GPR55: variants seen among roughly 807,000 people sequenced by gnomAD.
GPR55 encodes the protein G-protein coupled receptor 55.
GPR55 carries 6 observed loss-of-function variants against 7.9 expected under a neutral mutation model. The observed-to-expected ratio is 0.76, with a 90% CI of 0.41 to 1.49. The LOEUF is 1.49. Among genes scored for constraint, GPR55 ranks in the 40% most tolerant of loss-of-function variants. The probability of loss-of-function intolerance (pLI) is 0.01; values close to 1 mark genes in which losing one functional copy is unlikely to be tolerated. For synonymous variants in GPR55, 183 were observed against 166.8 expected, an observed-to-expected ratio of 1.10 and a Z score of -0.75; for missense variants, 376 against 406.0, an observed-to-expected ratio of 0.93 and a Z score of 0.63.
chr2:230,929,942 A>G (rs1318965989), upstream of GPR55: 1 of 152,266 alleles, frequency 6.6e-6, no homozygotes, highest in Non-Finnish European at 1.5e-5. Flanking sequence ...TGTCTCATCC[A>G]GGTCCTCCTG....
chr2:230,920,311 A>G (rs16827668), intron 1 of GPR55, among the ~76,000 whole-genome samples: 31,654 of 151,972 alleles, frequency 0.21, 3,539 homozygotes, highest in East Asian at 0.31. Flanking sequence ...AAAGTTATGC[A>G]TTGAATTCAC....
At chr2:230,955,243 G>A (rs544841735) in intron 1 of GPR55, among the ~76,000 whole-genome samples, 1 of 152,338 alleles carries the variant, frequency 6.6e-6, no homozygotes, top group African/African-American at 2.4e-5. Flanking sequence ...GTTGTTAGCT[G>A]TCTAATTATT....
At chr2:230,961,022 C>G (rs140559655) in exon 1 of GPR55, 18 of 152,330 alleles carry the variant, frequency 1.2e-4, no homozygotes, top group African/African-American at 4.3e-4. Flanking sequence ...CATTTAAAAC[C>G]ATGCCCAGCC....
chr2:230,921,487 C>A (rs1484980979), intron 1 of GPR55, among the ~76,000 whole-genome samples: 2 of 152,252 alleles, frequency 1.3e-5, no homozygotes, highest in Non-Finnish European at 2.9e-5. Flanking sequence ...GTCCTGACCA[C>A]TTAGCTGCAG....
chr2:230,918,845 G>C (rs1184814035), intron 1 of GPR55, among the ~76,000 whole-genome samples: 1 of 152,080 alleles, frequency 6.6e-6, no homozygotes, highest in Non-Finnish European at 1.5e-5. Context: ...TTAACTAATG[G>C]AACAGGAAAG....
chr2:230,940,204 C>T (rs1691203448), intron 1 of GPR55, among the ~76,000 whole-genome samples: 1 of 152,038 alleles, frequency 6.6e-6, no homozygotes, highest in African/African-American at 2.4e-5. Context: ...ATGGAGAAAG[C>T]GAGGAAGGGG....
At chr2:230,934,093 T>C (rs1295671520) in intron 1 of GPR55, among the ~76,000 whole-genome samples, 1 of 152,174 alleles carries the variant, frequency 6.6e-6, no homozygotes, top group Non-Finnish European at 1.5e-5. Flanking sequence ...TTTCCAGTGC[T>C]AATAGACTGG....
chr2:230,943,379 C>T (rs534205100), intron 1 of GPR55, among the ~76,000 whole-genome samples: 1 of 152,308 alleles, frequency 6.6e-6, no homozygotes, highest in South Asian at 2.1e-4. Flanking sequence ...TAGCCAGCCC[C>T]TCCGTGGAGG....
Position 230,924,542 on chromosome 2 carries a change from C to T in GPR55, c.-135+626G>A, listed in dbSNP as rs1358071832. On this transcript the variant is annotated intron_variant, in intron 1 of 1. Transcript: ENST00000650999. This position sits in a 1 kb window ranked among gnomAD's most constrained non-coding sequence, Gnocchi z 4.5. Reference sequence around the variant, plus strand: ...ATGCAGCTATAATGTAGGATAGCAACCAGGGCTTTCCTCTCCATCATTTAC... The same window carrying T: ...ATGCAGCTATAATGTAGGATAGCAATCAGGGCTTTCCTCTCCATCATTTAC... The T allele has an allele frequency of 6.6e-6, 1 of 152,238 alleles. No homozygotes were observed. The highest frequency in any genetic ancestry group is 1.5e-5 in the Non-Finnish European group (1 of 68,070). The allele number at this position is 152,238 out of a possible 1,614,324, so 9.4% of individuals were successfully genotyped here.
intron 1 of GPR55, among the ~76,000 whole-genome samples, chr2:230,931,972 C>T (rs990357692): frequency 6.6e-6 from 1 of 152,148 alleles, no homozygotes; most frequent in Non-Finnish European, 1.5e-5. Flanking sequence ...GCAGCCCCAC[C>T]CCAGCCCGGT....
At chr2:230,934,797 A>G (rs1054758389) in intron 1 of GPR55, among the ~76,000 whole-genome samples, 4 of 152,114 alleles carry the variant, frequency 2.6e-5, no homozygotes, top group Non-Finnish European at 5.9e-5. Flanking sequence ...CTAAGAGTGA[A>G]GAGCCGTCAC....
At chr2:230,935,684 C>T (rs959576230) in intron 1 of GPR55, among the ~76,000 whole-genome samples, 7 of 152,198 alleles carry the variant, frequency 4.6e-5, no homozygotes, top group Admixed American at 3.9e-4. Flanking sequence ...AGAGGGGTTC[C>T]ATTTTGGACC....
chr2:230,941,784 A>C (rs1452934155), intron 1 of GPR55, among the ~76,000 whole-genome samples: 1 of 152,202 alleles, frequency 6.6e-6, no homozygotes, highest in Admixed American at 6.5e-5. Context: ...TCATGCCTTC[A>C]TCTTCCTCCA....
At position 230,916,970 on chromosome 2, in the gene GPR55, T is replaced by C. The variant is rs547873672; in HGVS notation, c.-134-5874A>G. 1.3e-5 allele frequency among the ~76,000 whole-genome samples: 2 copies of C among 152,304 alleles called. 1 individual carries two copies. Among genetic ancestry groups the C allele is most frequent in the African/African-American group, 4.8e-5 (2 of 41,576 alleles). On this transcript the variant is annotated intron_variant, in intron 1 of 1. Coordinates refer to ENST00000650999, the MANE Select transcript of GPR55 (RefSeq NM_005683.4). ...TGCTCTTATGAAGGGTGCACTTAAA[T>C]GACACAGAAATGTTCCACATAAAAG...
intron 1 of GPR55, among the ~76,000 whole-genome samples, chr2:230,945,603 C>T (rs1478789252): frequency 1.3e-5 from 2 of 152,158 alleles, no homozygotes; most frequent in Non-Finnish European, 2.9e-5. Flanking sequence ...GACGGAGTCT[C>T]GCTCTGTCGC....
At chr2:230,955,610 T>C (rs10208797) in intron 1 of GPR55, among the ~76,000 whole-genome samples, 10,276 of 152,254 alleles carry the variant, frequency 0.067, 775 homozygotes, top group East Asian at 0.4. Flanking sequence ...GTAAAGCAAA[T>C]CAAATACAAT....
chr2:230,907,643 C>A lies in GPR55; in HGVS notation c.*2360G>T, dbSNP rs770475782. ...TCACATCACACTGAGACTGCTGATA[C>A]CCTCCAAGGACCTTCCTCTTACAGC... is the stretch of plus-strand genomic sequence containing the variant. On this transcript the variant is annotated 3_prime_UTR_variant, in exon 2 of 2. Transcript: ENST00000650999. 6.6e-6 allele frequency: 1 copy of A among 152,396 alleles called. No individual in the cohort carries two copies. The highest frequency in any genetic ancestry group is 2.4e-5 in the African/African-American group (1 of 41,458). The allele number at this position is 152,396 out of a possible 1,614,324, so 9.4% of individuals were successfully genotyped here.
rs141963644 is a variant in GPR55, at chr2:230,940,951, T to A, written c.-135+19824A>T. Among the ~76,000 whole-genome samples the A allele has an allele frequency of 5.9e-3, 900 of 152,114 alleles. 6 individuals carry two copies. Among genetic ancestry groups the A allele is most frequent in the African/African-American group, 0.021 (857 of 41,402 alleles). ...GGGCAATACGGTGAAACCCCATCTC[T>A]ATTAAAATACAAAAAATTAGCCGGA... On this transcript the variant is annotated intron_variant, in intron 1 of 1. Transcript: ENST00000392039.
In GPR55 at chr2:230,956,266, G is replaced by A. The variant is rs561631833; in HGVS notation, c.-135+4509C>T. 7.9e-5 allele frequency among the ~76,000 whole-genome samples: 12 copies of A among 152,246 alleles called. No homozygotes were observed. The South Asian group carries it at 2.5e-3, about 32-fold the overall frequency. On this transcript the variant is annotated intron_variant, in intron 1 of 1. Transcript: ENST00000392039. ...TGCGACCTCTGCCTCCTGGGTTCAAGCAATTTTCCTGCCCCAGCCTCCCGA... is the reference window on the plus strand; with the variant it reads ...TGCGACCTCTGCCTCCTGGGTTCAAACAATTTTCCTGCCCCAGCCTCCCGA...
Sources: allele counts gnomAD v4.1 joint callset (sites outside exome capture counted in the v4.1 genomes callset), GRCh38; gene constraint gnomAD v4.1.1; non-coding constraint Gnocchi (gnomAD v3.1); transcripts MANE v1.5; gene names NCBI Gene and HGNC (gene_info 2026-07-23, HGNC 2026-07-21).